Variants in ABCC12 observed in about 807,000 individuals in gnomAD.
ABCC12 encodes the protein ATP binding cassette subfamily C member 12.
In ABCC12, 142 loss-of-function variants were observed where a neutral mutation model predicts 151.1. The observed-to-expected ratio is 0.94, with a 90% CI of 0.82 to 1.08. ABCC12 has a LOEUF of 1.08. Ranked by LOEUF, ABCC12 falls within the 50% of genes least tolerant of loss-of-function variation. ABCC12 has a pLI of 0.00. For missense variants in ABCC12, 1,638 were observed against 1,691.1 expected, an observed-to-expected ratio of 0.97 and a Z score of 0.55; for synonymous variants, 645 against 646.4, an observed-to-expected ratio of 1.00 and a Z score of 0.03.
intron 24 of ABCC12, among the ~76,000 whole-genome samples, chr16:48,092,358 T>C (rs1962935419): frequency 6.6e-6 from 1 of 152,164 alleles, no homozygotes; most frequent in South Asian, 2.1e-4. Context: ...CGGCTGGTCT[T>C]GGAGCTCTGG....
chr16:48,130,392 A>C (rs757035397), intron 10 of ABCC12, among the ~76,000 whole-genome samples: 6 of 152,206 alleles, frequency 3.9e-5, no homozygotes, highest in Non-Finnish European at 7.3e-5. Flanking sequence ...GGACTAAATG[A>C]GTGCATAAAT....
intron 9 of ABCC12, among the ~76,000 whole-genome samples, chr16:48,131,427 C>G (rs921221222): frequency 6.6e-6 from 1 of 152,176 alleles, no homozygotes; most frequent in Admixed American, 6.5e-5. Context: ...AGGACCTGGC[C>G]TCCATGCCCT....
Position 48,083,701 on chromosome 16 carries a change from A to G in ABCC12, c.*14T>C, listed in dbSNP as rs1962448433. On this transcript the variant is annotated 3_prime_UTR_variant, in exon 31 of 31. Transcript: ENST00000311303. ...CAGAGCCTCTTCCTCCTCTAGAATC[A>G]GCCGCCAGGACCTCTACAATCTGAC... 6.2e-7 allele frequency: 1 copy of G among 1,613,718 alleles called. No homozygotes were observed. Among genetic ancestry groups the G allele is most frequent in the East Asian group, 2.2e-5 (1 of 44,876 alleles).
At chr16:48,153,078 T>C (rs1210347794) in intron 2 of ABCC12, among the ~76,000 whole-genome samples, 1 of 152,212 alleles carries the variant, frequency 6.6e-6, no homozygotes, top group African/African-American at 2.4e-5. Context: ...TCTAAAACTT[T>C]TTAATAAATT....
intron 8 of ABCC12, among the ~76,000 whole-genome samples, chr16:48,134,119 A>G (rs1964527520): frequency 1.3e-5 from 2 of 152,306 alleles, no homozygotes; most frequent in South Asian, 4.1e-4. Context: ...GGGCCAGGCA[A>G]GTACCATTAA....
At chr16:48,140,591 A>G in intron 6 of ABCC12, 96 bp downstream of exon 6, 2 of 1,202,596 alleles carry the variant, frequency 1.7e-6, no homozygotes, top group Non-Finnish European at 2.4e-6. Context: ...GACAAGCAAA[A>G]GGAAGGCAGG....
At chr16:48,135,060 A>G (rs1964561952) in intron 8 of ABCC12, among the ~76,000 whole-genome samples, 1 of 152,002 alleles carries the variant, frequency 6.6e-6, no homozygotes, top group Admixed American at 6.6e-5. Context: ...AAAAAAAAAA[A>G]AAAAAAAGAT....
At chr16:48,155,106 G>T (rs1965167161) in intron 1 of ABCC12, among the ~76,000 whole-genome samples, 1 of 152,226 alleles carries the variant, frequency 6.6e-6, no homozygotes, top group African/African-American at 2.4e-5. Context: ...AGGGACTGGG[G>T]TTGGGAGGCA....
chr16:48,147,040 C>G (rs1965028506), intron 2 of ABCC12, among the ~76,000 whole-genome samples: 1 of 152,118 alleles, frequency 6.6e-6, no homozygotes, highest in Non-Finnish European at 1.5e-5. Flanking sequence ...GCATCCACAT[C>G]CCCTCCATCC....
At chr16:48,091,640 A>G (rs997406791) in intron 24 of ABCC12, among the ~76,000 whole-genome samples, 9 of 152,108 alleles carry the variant, frequency 5.9e-5, no homozygotes, top group African/African-American at 1.9e-4. Flanking sequence ...CCACATCACC[A>G]TGAGACCAGA....
rs369385924 is a variant in ABCC12 at position 48,112,350 on chromosome 16, C to T, written c.1990-440G>A. On this transcript the variant is annotated intron_variant, in intron 15 of 30. Coordinates refer to ENST00000311303, the MANE Select transcript of ABCC12 (RefSeq NM_001393797.1). ...GTGGCTCACACCTGTAGTCCCGGCA[C>T]TTTGGGAGGCTGAAGCGGGTGGATC... Among the ~76,000 whole-genome samples the T allele has an allele frequency of 2.3e-3, 351 of 152,270 alleles. 18 individuals are homozygous for T. The South Asian group carries it at 0.071, about 31-fold the overall frequency.
intron 22 of ABCC12, among the ~76,000 whole-genome samples, chr16:48,103,652 C>T (rs183466849): frequency 6.6e-6 from 1 of 152,306 alleles, no homozygotes; most frequent in East Asian, 1.9e-4. Context: ...CTAGGAACCC[C>T]AGCTCACCCC....
Position 48,139,145 on chromosome 16 carries a change from G to T in ABCC12, c.831+18C>A. On this transcript the variant is annotated intron_variant, in intron 7 of 30. Transcript: ENST00000311303. ...ATGCAAATACAAAGCAGTTAGAAGC[G>T]CAAAAGCCTGCCGTTACCTGGACGG... 2 of 1,569,158 alleles carry T rather than the reference G, an allele frequency of 1.3e-6. No homozygotes were observed. Among genetic ancestry groups the T allele is most frequent in the Non-Finnish European group, 1.7e-6 (2 of 1,160,358 alleles).
intron 23 of ABCC12, 156 bp from the exon 24 acceptor site, chr16:48,097,058 T>G: frequency 2.4e-6 from 2 of 831,552 alleles, no homozygotes; most frequent in Admixed American, 2.0e-5. Flanking sequence ...TAGCAAACTC[T>G]TACAAAAATG....
In ABCC12 at chr16:48,139,206, G is replaced by C. The variant is rs141109408; in HGVS notation, c.788C>G (p.Ala263Gly). ...AYAFFILGPT[A>G]LIGISVYVIF... ...GACATACACTGATATCCCGATGAGAGCTGTGGGCCCCAGAATGAAAAAGGC... is the reference window on the plus strand; with the variant it reads ...GACATACACTGATATCCCGATGAGACCTGTGGGCCCCAGAATGAAAAAGGC... Residue 263 changes from alanine (A) to glycine (G), a missense_variant, in exon 7 of 31, where the codon GCT becomes GGT. Physicochemically the swap from Ala to Gly is moderately conservative, Grantham distance 60. Transcript: ENST00000311303. 1.2e-4 allele frequency: 199 copies of C among 1,613,882 alleles called. 1 individual carries two copies. In the African/African-American group the frequency reaches 2.5e-3, roughly 20 times the overall value.
At chr16:48,126,153 G>C (rs1964230208) in intron 11 of ABCC12, among the ~76,000 whole-genome samples, 1 of 152,172 alleles carries the variant, frequency 6.6e-6, no homozygotes, top group Non-Finnish European at 1.5e-5. Flanking sequence ...ATGAAATGAA[G>C]CTGAATCTAT....
chr16:48,149,328 C>G (rs866960718), intron 2 of ABCC12, among the ~76,000 whole-genome samples: 1 of 146,980 alleles, frequency 6.8e-6, no homozygotes, highest in Admixed American at 6.8e-5. Flanking sequence ...ATATTAATAG[C>G]AAGCCAATAG....
intron 24 of ABCC12, 49 bp from the exon 25 acceptor site, chr16:48,091,258 G>A: frequency 1.3e-6 from 2 of 1,548,702 alleles, no homozygotes; most frequent in Non-Finnish European, 1.8e-6. Flanking sequence ...TCCTCCTTCG[G>A]GTTCTGCAGC....
chr16:48,150,232 A>G (rs1041475749), intron 2 of ABCC12, among the ~76,000 whole-genome samples: 5 of 152,172 alleles, frequency 3.3e-5, no homozygotes, highest in South Asian at 2.1e-4. Flanking sequence ...CTGAAGTTCA[A>G]TCTAGGAAAA....
Sources: gnomAD v4.1 joint callset for allele counts (sites outside exome capture counted in the v4.1 genomes callset) on GRCh38, gnomAD v4.1.1 for gene constraint, MANE v1.5 for transcripts, NCBI Gene and HGNC (gene_info 2026-07-23, HGNC 2026-07-21) for gene names.